Variants in DLG1 observed in about 807,000 individuals in gnomAD.
The protein encoded by DLG1 is discs large MAGUK scaffold protein 1.
A neutral mutation model predicts 123.4 loss-of-function variants in DLG1; 42 were observed. The observed-to-expected ratio is 0.34, with a 90% CI of 0.27 to 0.44. DLG1 has a LOEUF of 0.44. Ranked by LOEUF, DLG1 falls within the 20% of genes least tolerant of loss-of-function variation. The probability of loss-of-function intolerance (pLI) is 1.00; values close to 1 mark genes in which losing one functional copy is unlikely to be tolerated. For missense variants in DLG1, 942 were observed against 1,082.6 expected, an observed-to-expected ratio of 0.87 and a Z score of 1.82; for synonymous variants, 317 against 356.2, an observed-to-expected ratio of 0.89 and a Z score of 1.24.
At chr3:197,142,908 C>G in intron 6 of DLG1, 140 bp from the exon 7 acceptor site, 1 of 638,046 alleles carries the variant, frequency 1.6e-6, no homozygotes, top group Non-Finnish European at 2.8e-6. Flanking sequence ...TTTAATAATT[C>G]TGGGGAAGAT....
At chr3:197,046,615 T>C (rs1723268982) in intron 24 of DLG1, among the ~76,000 whole-genome samples, 1 of 152,202 alleles carries the variant, frequency 6.6e-6, no homozygotes, top group African/African-American at 2.4e-5. Flanking sequence ...CTCACGCCTG[T>C]AGTCCCACCA....
At chr3:197,248,477 T>C (rs1341859750) in intron 4 of DLG1, among the ~76,000 whole-genome samples, 1 of 152,114 alleles carries the variant, frequency 6.6e-6, no homozygotes, top group African/African-American at 2.4e-5. Flanking sequence ...CCAAATTTGT[T>C]AGAAGAGCTC....
intron 6 of DLG1, among the ~76,000 whole-genome samples, chr3:197,148,036 T>C (rs1483430592): frequency 1.3e-5 from 2 of 151,554 alleles, no homozygotes; most frequent in Non-Finnish European, 2.9e-5. Flanking sequence ...AAGTCAATTA[T>C]ATTCCCATAT....
intron 4 of DLG1, among the ~76,000 whole-genome samples, chr3:197,245,855 G>C (rs1055594020): frequency 7.6e-6 from 1 of 131,660 alleles, no homozygotes; most frequent in Non-Finnish European, 1.6e-5. Flanking sequence ...TTTTAAAAGA[G>C]ATTTTTTTTG....
chr3:197,235,396 TAAA>T (rs948952656), intron 4 of DLG1, among the ~76,000 whole-genome samples: 8 of 152,308 alleles, frequency 5.3e-5, no homozygotes, highest in Admixed American at 2.6e-4. Flanking sequence ...GTGAACAGCA[TAAA>T]ATTCAACAAG....
intron 13 of DLG1, among the ~76,000 whole-genome samples, chr3:197,115,023 A>G (rs1019091102): frequency 5.3e-5 from 8 of 150,892 alleles, no homozygotes; most frequent in African/African-American, 1.9e-4. Context: ...GAAATTTTCT[A>G]TGAAGAGCAA....
intron 20 of DLG1, 64 bp downstream of exon 20, chr3:197,066,640 T>C: frequency 7.6e-7 from 1 of 1,314,358 alleles, no homozygotes; most frequent in Non-Finnish European, 1.1e-6. Flanking sequence ...TGAGAATTTT[T>C]TTCCCCCAAA....
intron 5 of DLG1, among the ~76,000 whole-genome samples, chr3:197,162,819 G>T (rs73086533): frequency 0.011 from 1,635 of 152,194 alleles, 32 homozygotes; most frequent in African/African-American, 0.037. Flanking sequence ...TGGAACCTTA[G>T]AAATCATAAA....
chr3:197,155,519 A>T (rs931500878), intron 5 of DLG1, among the ~76,000 whole-genome samples: 9 of 152,316 alleles, frequency 5.9e-5, no homozygotes, highest in African/African-American at 2.2e-4. Context: ...GTAAAGGTAA[A>T]TACATAGGTA....
intron 18 of DLG1, chr3:197,075,862 A>C (rs1372575664): frequency 1.2e-6 from 2 of 1,612,462 alleles, no homozygotes; most frequent in Non-Finnish European, 1.7e-6. Context: ...CCATGTCGTC[A>C]GGGATCTCCT....
At chr3:197,127,517 C>A (rs1266110865) in intron 11 of DLG1, among the ~76,000 whole-genome samples, 4 of 104,724 alleles carry the variant, frequency 3.8e-5, no homozygotes, top group Non-Finnish European at 7.5e-5. Flanking sequence ...CCTAAAAATA[C>A]GTAAGTACTT....
chr3:197,166,846 C>T (rs186081928), intron 5 of DLG1, among the ~76,000 whole-genome samples: 36 of 151,836 alleles, frequency 2.4e-4, no homozygotes, highest in African/African-American at 8.5e-4. Flanking sequence ...GAGCCAAGAT[C>T]ACGCCATTCC....
intron 17 of DLG1, 64 bp downstream of exon 17, chr3:197,080,987 C>T (rs1750799675): frequency 6.9e-7 from 1 of 1,451,646 alleles, no homozygotes; most frequent in Non-Finnish European, 9.6e-7. Context: ...TAGCAAAATC[C>T]TTTTCATTTT....
At position 197,085,602 on chromosome 3, in the gene DLG1, C is replaced by T. The variant is rs369412843; in HGVS notation, c.1816G>A (p.Gly606Arg). The T allele has an allele frequency of 2.0e-5, 32 of 1,613,768 alleles. No individual in the cohort carries two copies. The highest frequency in any genetic ancestry group is 2.4e-5 in the Non-Finnish European group (28 of 1,179,976). Reference sequence around the variant, plus strand: ...TACCTGCGTTTACTGGGAATCACTCCGACCTCATCGCTCTCACCATCTGGT... The same window carrying T: ...TACCTGCGTTTACTGGGAATCACTCTGACCTCATCGCTCTCACCATCTGGT... ...VTPDGESDEV[G>R]VIPSKRRVEK... Residue 606 changes from glycine (G) to arginine (R), a missense_variant, in exon 16 of 25, where the codon GGA (glycine) becomes AGA (arginine). Physicochemically the swap from Gly to Arg is moderately radical, Grantham distance 125 (BLOSUM62 -2). Coordinates refer to ENST00000667157, the MANE Select transcript of DLG1 (RefSeq NM_001366207.1).
At chr3:197,257,070 T>G (rs1179728644) in intron 4 of DLG1, among the ~76,000 whole-genome samples, 3 of 152,076 alleles carry the variant, frequency 2.0e-5, no homozygotes, top group African/African-American at 4.8e-5. Flanking sequence ...AAACCTAACT[T>G]AAAAAATTTG....
At chr3:197,047,277 AACTT>A (rs1203434664) in intron 24 of DLG1, among the ~76,000 whole-genome samples, 2 of 152,224 alleles carry the variant, frequency 1.3e-5, no homozygotes, top group South Asian at 2.1e-4. Flanking sequence ...ATCTACCTGA[AACTT>A]ACTCTCAAGT....
intron 14 of DLG1, among the ~76,000 whole-genome samples, chr3:197,094,627 T>C (rs928029276): frequency 6.6e-6 from 1 of 152,208 alleles, no homozygotes; most frequent in Non-Finnish European, 1.5e-5. Flanking sequence ...TATACTCTCT[T>C]CCTTATAATC....
Position 197,138,279 on chromosome 3 carries a change from T to C in DLG1, c.826A>G (p.Arg276Gly). 6.2e-7 allele frequency: 1 copy of C among 1,603,802 alleles called. No individual in the cohort carries two copies. Among genetic ancestry groups the C allele is most frequent in the Admixed American group, 1.7e-5 (1 of 59,650 alleles). ...AGSIVRLYVK[R>G]RKPVSEKIME... The stretch of plus-strand genomic sequence containing the variant: ...ATTTTTTCTGACACTGGTTTCCTTC[T>C]TTTTACATACAAGCGTACAATAGAC... Residue 276 changes from arginine to glycine, a missense_variant, in exon 9 of 25, where the codon AGA becomes GGA. Arg to Gly is a moderately radical substitution (Grantham distance 125, BLOSUM62 -2). Coordinates refer to ENST00000667157, the MANE Select transcript of DLG1 (RefSeq NM_001366207.1).
intron 10 of DLG1, among the ~76,000 whole-genome samples, chr3:197,135,096 C>T (rs1235238376): frequency 6.6e-6 from 1 of 152,186 alleles, no homozygotes; most frequent in East Asian, 1.9e-4. Context: ...TATTGGCTCT[C>T]GTTCATTCTC....
Sources: allele counts gnomAD v4.1 joint callset (sites outside exome capture counted in the v4.1 genomes callset), GRCh38; gene constraint gnomAD v4.1.1; transcripts MANE v1.5; gene names NCBI Gene and HGNC (gene_info 2026-07-23, HGNC 2026-07-21).